Variants in ZNF410 observed in about 807,000 individuals in gnomAD.
ZNF410 encodes zinc finger protein 410.
In ZNF410, 18 loss-of-function variants were observed where a neutral mutation model predicts 54.8. The ratio of observed to expected loss-of-function variants is 0.33; its 90% CI spans 0.23 to 0.49. ZNF410 has a LOEUF of 0.49. Among genes scored for constraint, ZNF410 ranks in the 20% least tolerant of loss-of-function variants. The pLI is 0.99. For missense variants in ZNF410, 405 were observed against 569.6 expected, an observed-to-expected ratio of 0.71 and a Z score of 2.94; for synonymous variants, 191 against 207.3, an observed-to-expected ratio of 0.92 and a Z score of 0.68.
intron 1 of ZNF410, chr14:73,891,701 C>G (rs2055232609): frequency 3.7e-6 from 1 of 268,052 alleles, no homozygotes; most frequent in African/African-American, 2.3e-5. Context: ...ATCAACCATT[C>G]CCTAATTGGG....
chr14:73,918,120 A>G (rs920869970), intron 8 of ZNF410, among the ~76,000 whole-genome samples: 1 of 151,758 alleles, frequency 6.6e-6, no homozygotes, highest in East Asian at 1.9e-4. Flanking sequence ...TTATTTATTT[A>G]TTTTTTTAGA....
At chr14:73,915,462 C>T (rs1051402933) in intron 8 of ZNF410, among the ~76,000 whole-genome samples, 6 of 151,558 alleles carry the variant, frequency 4.0e-5, no homozygotes, top group African/African-American at 9.7e-5. Flanking sequence ...CTCAGCCTTC[C>T]GAGTAGTGGG....
intron 6 of ZNF410, 24 bp downstream of exon 6, chr14:73,904,134 T>C (rs1383059573): frequency 1.2e-6 from 2 of 1,609,720 alleles, no homozygotes; most frequent in Admixed American, 3.4e-5. Context: ...AGATCTCATA[T>C]TTGGATATAC....
chr14:73,917,093 A>C (rs1192128650), intron 8 of ZNF410, among the ~76,000 whole-genome samples: 2 of 152,264 alleles, frequency 1.3e-5, no homozygotes, highest in Non-Finnish European at 2.9e-5. Flanking sequence ...ATTCCAATTT[A>C]AATTTTCACA....
At chr14:73,887,740 G>T (rs1595380162) in intron 1 of ZNF410, among the ~76,000 whole-genome samples, 1 of 152,188 alleles carries the variant, frequency 6.6e-6, no homozygotes, top group Non-Finnish European at 1.5e-5. Context: ...TCTTAGTGTG[G>T]TGCAGAGTAA....
In ZNF410 at chr14:73,932,319, A is replaced by AGAT; in HGVS notation, c.*779_*781dup. On this transcript the variant is annotated 3_prime_UTR_variant, in exon 12 of 12. Coordinates refer to ENST00000555044, the MANE Select transcript of ZNF410 (RefSeq NM_021188.3). ...TTTTATACAAAATTTGTTTTCTTAG[A>AGAT]GATTAAGAATTTAATCTTTCCCTTT... 2.9e-6 allele frequency: 1 copy of AGAT among 343,042 alleles called. No individual in the cohort carries two copies. Among genetic ancestry groups the AGAT allele is most frequent in the Non-Finnish European group, 5.7e-6 (1 of 176,650 alleles). 21.2% of individuals were successfully genotyped at this position (343,042 alleles called of 1,614,324 possible).
At chr14:73,895,211 AAAC>A (rs2055297117) in intron 3 of ZNF410, 1 of 152,200 alleles carries the variant, frequency 6.6e-6, no homozygotes, top group African/African-American at 2.4e-5. Flanking sequence ...AAGGAAATGA[AAAC>A]AACAGCGTTC....
At position 73,896,549 on chromosome 14, in the gene ZNF410, T is replaced by C; in HGVS notation, c.388+15T>C. 6.2e-7 allele frequency: 1 copy of C among 1,611,084 alleles called. No homozygotes were observed. The highest frequency in any genetic ancestry group is 8.5e-7 in the Non-Finnish European group (1 of 1,178,652). On this transcript the variant is annotated intron_variant, in intron 4 of 11. Transcript: ENST00000555044. ...AACAAGAGCAGGTATTCTTTCCTTT[T>C]TTTTGGGCTCTGCTTATGCCTAAGA...
chr14:73,928,539 A>G (rs1324340523), intron 11 of ZNF410, among the ~76,000 whole-genome samples: 2 of 152,186 alleles, frequency 1.3e-5, no homozygotes, highest in Non-Finnish European at 2.9e-5. Flanking sequence ...GTAATAGTAC[A>G]TTTGTTCCCT....
At position 73,896,247 on chromosome 14, in the gene ZNF410, C is replaced by T. The variant is rs896574890; in HGVS notation, c.170-69C>T. ...GTTAGCTTCCAAGAGATGTTGGGTG[C>T]TGTGTATCAAAATGGTGGGCTCCTA... On this transcript the variant is annotated intron_variant, in intron 3 of 11. Coordinates refer to ENST00000555044, the MANE Select transcript of ZNF410 (RefSeq NM_021188.3). 4.5e-6 allele frequency: 5 copies of T among 1,111,524 alleles called. No homozygotes were observed. The African/African-American group carries it at 6.2e-5, about 14-fold the overall frequency. 68.9% of individuals were successfully genotyped at this position (1,111,524 alleles called of 1,614,324 possible).
chr14:73,921,006 T>C lies in ZNF410; in HGVS notation c.1030T>C (p.Cys344Arg). The C allele has an allele frequency of 1.9e-6, 3 of 1,614,128 alleles. No homozygotes were observed. The highest frequency in any genetic ancestry group is 2.5e-6 in the Non-Finnish European group (3 of 1,180,012). ...AGAGAAGCCTCATCAGTGCCAAGTC[T>C]GTGGGAAGACCTTCTCTCAGAGTGG... ...SGEKPHQCQV[C>R]GKTFSQSGSR... The change falls in exon 9 of 12, where the codon TGT becomes CGT. Residue 344 changes from cysteine (C) to arginine (R), a missense_variant. Around this residue, in one of 3 missense-constraint regions of ZNF410, gnomAD observed 31 missense variants for 85.5 expected, o/e 0.36. Coordinates refer to ENST00000555044, the MANE Select transcript of ZNF410 (RefSeq NM_021188.3).
rs2055916417 is a variant in ZNF410 at position 73,931,578 on chromosome 14, G to A, written c.*37G>A. On this transcript the variant is annotated 3_prime_UTR_variant, in exon 12 of 12. Coordinates refer to ENST00000555044, the MANE Select transcript of ZNF410 (RefSeq NM_021188.3). Reference sequence around the variant, plus strand: ...GACTCCTGGAAGAGCAACTCTATCTGATCTCAAAATGCGTATACTGGGAAC... The same window carrying A: ...GACTCCTGGAAGAGCAACTCTATCTAATCTCAAAATGCGTATACTGGGAAC... The A allele has an allele frequency of 6.2e-7, 1 of 1,602,054 alleles. No individual in the cohort carries two copies. The highest frequency in any genetic ancestry group is 1.3e-5 in the African/African-American group (1 of 74,528).
chr14:73,912,414 G>C (rs921967538), intron 8 of ZNF410, among the ~76,000 whole-genome samples: 1 of 152,024 alleles, frequency 6.6e-6, no homozygotes, highest in Non-Finnish European at 1.5e-5. Flanking sequence ...TGCTCTGCCT[G>C]CCTTGGCCTC....
At chr14:73,892,835 CT>C in intron 2 of ZNF410, among the ~76,000 whole-genome samples, 1 of 152,316 alleles carries the variant, frequency 6.6e-6, no homozygotes, top group South Asian at 2.1e-4. Flanking sequence ...AATCCCAGCA[CT>C]TTGGGAGGCC....
chr14:73,908,782 T>C (rs572718496), intron 7 of ZNF410, among the ~76,000 whole-genome samples: 1 of 152,344 alleles, frequency 6.6e-6, no homozygotes, highest in South Asian at 2.1e-4. Context: ...TGAATTCATT[T>C]GTCTGTCTCA....
At chr14:73,925,924 C>G (rs1003989906) in intron 11 of ZNF410, among the ~76,000 whole-genome samples, 2 of 152,118 alleles carry the variant, frequency 1.3e-5, no homozygotes, top group African/African-American at 4.8e-5. Flanking sequence ...GTCCCAACTA[C>G]TCGGGAGGCT....
intron 11 of ZNF410, chr14:73,927,188 C>T (rs1485681483): frequency 7.6e-6 from 2 of 262,270 alleles, no homozygotes; most frequent in Admixed American, 4.1e-5. Context: ...CGAATTCAAG[C>T]GGTTCTTCTG....
chr14:73,916,572 A>T (rs2055670900), intron 8 of ZNF410: 1 of 152,130 alleles, frequency 6.6e-6, no homozygotes, highest in African/African-American at 2.4e-5. Flanking sequence ...CTAACACAAC[A>T]ACAGTTCCCA....
At chr14:73,913,567 G>A (rs2055618413) in intron 8 of ZNF410, 1 of 152,238 alleles carries the variant, frequency 6.6e-6, no homozygotes, top group Non-Finnish European at 1.5e-5. Flanking sequence ...ATGCTATAAA[G>A]TATGTGACCT....
Sources: allele counts gnomAD v4.1 joint callset (sites outside exome capture counted in the v4.1 genomes callset), GRCh38; gene constraint gnomAD v4.1.1; regional missense constraint gnomAD v4.1.1; transcripts MANE v1.5; gene names NCBI Gene and HGNC (gene_info 2026-07-23, HGNC 2026-07-21).